The following KDM6B variants were observed in gnomAD, a reference collection of about 807,000 sequenced individuals.
KDM6B encodes lysine-specific demethylase 6B.
In KDM6B, 22 loss-of-function variants were observed where a neutral mutation model predicts 150.4. That is an observed-to-expected ratio of 0.15 (90% CI 0.10 to 0.21). KDM6B has a LOEUF of 0.21. Among genes scored for constraint, KDM6B ranks in the 10% least tolerant of loss-of-function variants. The pLI is 1.00. For missense variants in KDM6B, 1,984 were observed against 2,234.3 expected, an observed-to-expected ratio of 0.89 and a Z score of 2.26; for synonymous variants, 1,148 against 921.1, an observed-to-expected ratio of 1.25 and a Z score of -4.46.
Position 7,854,461 on chromosome 17 carries a change from G to C in KDM6B, c.*940G>C, listed in dbSNP as rs1423065907. The C allele has an allele frequency of 6.6e-6, 1 of 152,112 alleles. No homozygotes were observed. Among genetic ancestry groups the C allele is most frequent in the Non-Finnish European group, 1.5e-5 (1 of 67,964 alleles). The allele number at this position is 152,112 out of a possible 1,614,324, so 9.4% of individuals were successfully genotyped here. On this transcript the variant is annotated 3_prime_UTR_variant, in exon 24 of 24. Transcript: ENST00000448097. ...AAGGTTTTAAAGAAAGAACTATGAG[G>C]AAAAGGAACCCCGTCCTTCCCAGCC... is the stretch of plus-strand genomic sequence containing the variant.
rs370488812 is a variant in KDM6B, at chr17:7,847,432, G to A, written c.1237G>A (p.Val413Met). 2.9e-5 allele frequency: 46 copies of A among 1,613,680 alleles called. No homozygotes were observed. The highest frequency in any genetic ancestry group is 1.9e-4 in the South Asian group (17 of 91,082). ...SSSSNTGLRGVEPNPGIPGAD... is the reference protein window; with the variant it reads ...SSSSNTGLRGMEPNPGIPGAD... ...CAGCAGCAACACTGGTCTCCGGGGCGTGGAGCCGAACCCAGGCATTGTGAG... is the reference window on the plus strand; with the variant it reads ...CAGCAGCAACACTGGTCTCCGGGGCATGGAGCCGAACCCAGGCATTGTGAG... Residue 413 changes from valine to methionine, a missense_variant, in exon 11 of 24, where the codon GTG (valine) becomes ATG (methionine). Coordinates refer to ENST00000448097, the MANE Select transcript of KDM6B (RefSeq NM_001348716.2).
In KDM6B at chr17:7,854,625, GTTGTT is replaced by G. The variant is rs2078774728; in HGVS notation, c.*1107_*1111del. The G allele has an allele frequency of 6.5e-6, 1 of 153,918 alleles. No homozygotes were observed. Among genetic ancestry groups the G allele is most frequent in the Non-Finnish European group, 1.4e-5 (1 of 68,986 alleles). The allele number at this position is 153,918 out of a possible 1,614,324, so 9.5% of individuals were successfully genotyped here. A position where few individuals can be genotyped will look rare whatever the true frequency, so the allele number is the denominator to read the frequency against. On this transcript the variant is annotated 3_prime_UTR_variant, in exon 24 of 24. Coordinates refer to ENST00000448097, the MANE Select transcript of KDM6B (RefSeq NM_001348716.2). ...CTGGGGCTTTATTTTCGTTTTGTTGGTTGTTTTTTCTCCACGCTGGGGCTGCGGAG... is the reference window on the plus strand; with the variant it reads ...CTGGGGCTTTATTTTCGTTTTGTTGGTTTTCTCCACGCTGGGGCTGCGGAG...
intron 2 of KDM6B, among the ~76,000 whole-genome samples, chr17:7,841,833 G>A (rs2078419758): frequency 6.6e-6 from 1 of 152,168 alleles, no homozygotes; most frequent in Admixed American, 6.5e-5. Context: ...GGAATCCCGG[G>A]CGGGCGGCCT....
chr17:7,848,214 G>C lies in KDM6B; in HGVS notation c.1926G>C (p.Pro642=). Residue 642 remains proline, a synonymous_variant, in exon 12 of 24, where the codon CCG becomes CCC. Transcript: ENST00000448097. ...VSFPKTPEVG[P]GPPPGPLSKA... ...TCCCAAAGACCCCCGAGGTGGGGCC[G>C]GGGCCACCCCCAGGCCCCCTGAGTA... The C allele has an allele frequency of 3.7e-6, 6 of 1,608,234 alleles. No individual in the cohort carries two copies. The highest frequency in any genetic ancestry group is 5.1e-6 in the Non-Finnish European group (6 of 1,176,248).
In KDM6B at chr17:7,854,101, C is replaced by G. The variant is rs191438558; in HGVS notation, c.*580C>G. 6.6e-6 allele frequency: 1 copy of G among 152,426 alleles called. No homozygotes were observed. The highest frequency in any genetic ancestry group is 2.4e-5 in the African/African-American group (1 of 41,428). 9.4% of individuals were successfully genotyped at this position (152,426 alleles called of 1,614,324 possible). Reference sequence around the variant, plus strand: ...TAATTTATAACAGTCCCACTCACCTCTATTTATTCATTTTTGGGAAAACCC... The same window carrying G: ...TAATTTATAACAGTCCCACTCACCTGTATTTATTCATTTTTGGGAAAACCC... On this transcript the variant is annotated 3_prime_UTR_variant, in exon 24 of 24. Transcript: ENST00000448097.
intron 2 of KDM6B, chr17:7,840,802 A>G (rs1378654446): frequency 6.6e-6 from 1 of 152,202 alleles, no homozygotes; most frequent in African/African-American, 2.4e-5. Flanking sequence ...TTTGTGTTGA[A>G]TAATGTTAAC....
Position 7,847,564 on chromosome 17 carries a change from C to A in KDM6B, c.1276C>A (p.Gln426Lys). 6.2e-7 allele frequency: 1 copy of A among 1,613,364 alleles called. No individual in the cohort carries two copies. The highest frequency in any genetic ancestry group is 1.7e-5 in the Admixed American group (1 of 60,004). Reference protein sequence around the residue: ...NPGIPGADHYQTPALEVSHHG... With the variant: ...NPGIPGADHYKTPALEVSHHG... ...CTTGCAGCCCGGCGCTGACCATTAC[C>A]AAACTCCCGCGCTGGAGGTCTCTCA... Residue 426 changes from glutamine (Q) to lysine (K), a missense_variant, in exon 12 of 24, where the codon CAA (glutamine) becomes AAA (lysine). Transcript: ENST00000448097.
Position 7,845,438 on chromosome 17 carries a change from TG to T in KDM6B, c.-20del. The T allele has an allele frequency of 7.6e-7, 1 of 1,310,228 alleles. No individual in the cohort carries two copies. Among genetic ancestry groups the T allele is most frequent in the Non-Finnish European group, 1.1e-6 (1 of 905,560 alleles). 81.2% of individuals were successfully genotyped at this position (1,310,228 alleles called of 1,614,324 possible). A position where few individuals can be genotyped will look rare whatever the true frequency, so the allele number is the denominator to read the frequency against. On this transcript the variant is annotated 5_prime_UTR_variant, in exon 4 of 24. Coordinates refer to ENST00000448097, the MANE Select transcript of KDM6B (RefSeq NM_001348716.2). ...GGCCGTGCCCAATCTCCAGGGCTCC[TG>T]GGGCCACTGCTGACCTGGTAAGGGA...
rs1466027693 is a variant in KDM6B, at chr17:7,854,272, C to CA, written c.*754dup. Reference sequence around the variant, plus strand: ...GCTCCAGCCGGGTTCTCATGGTGCTCAAACCCGCTCCCCTCCCCTACGTCC... The same window carrying CA: ...GCTCCAGCCGGGTTCTCATGGTGCTCAAAACCCGCTCCCCTCCCCTACGTCC... On this transcript the variant is annotated 3_prime_UTR_variant, in exon 24 of 24. Coordinates refer to ENST00000448097, the MANE Select transcript of KDM6B (RefSeq NM_001348716.2). 1.3e-5 allele frequency: 2 copies of CA among 152,690 alleles called. No homozygotes were observed. The highest frequency in any genetic ancestry group is 2.4e-5 in the African/African-American group (1 of 41,396). The allele number at this position is 152,690 out of a possible 1,614,324, so 9.5% of individuals were successfully genotyped here. A position where few individuals can be genotyped will look rare whatever the true frequency, so the allele number is the denominator to read the frequency against.
At position 7,851,065 on chromosome 17, in the gene KDM6B, G is replaced by A. The variant is rs2078683626; in HGVS notation, c.3718G>A (p.Glu1240Lys). 5.0e-6 allele frequency: 8 copies of A among 1,612,960 alleles called. No individual in the cohort carries two copies. The highest frequency in any genetic ancestry group is 6.8e-6 in the Non-Finnish European group (8 of 1,179,874). Residue 1240 changes from glutamate to lysine, a missense_variant, in exon 15 of 24, where the codon GAA (glutamate) becomes AAA (lysine). Physicochemically the swap from Glu to Lys is moderately conservative, Grantham distance 56 (BLOSUM62 1). Transcript: ENST00000448097. ...CAAGACCCTGGTGGAAGCGAGTGGC[G>A]AACACACCGTGGAAGTTCGCACCCA... is the stretch of plus-strand genomic sequence containing the variant. Reference protein sequence around the residue: ...STKTLVEASGEHTVEVRTQVQ... With the variant: ...STKTLVEASGKHTVEVRTQVQ...
chr17:7,845,362 CT>C lies in KDM6B; in HGVS notation c.-98del. 1 of 712,944 alleles carries C rather than the reference CT, an allele frequency of 1.4e-6. No individual in the cohort carries two copies. The highest frequency in any genetic ancestry group is 2.7e-5 in the East Asian group (1 of 37,348). 44.2% of individuals were successfully genotyped at this position (712,944 alleles called of 1,614,324 possible). ...CAGCCATCTGGGGGTAGCGGGCACT[CT>C]TATCAGAGCGGCTGGAGCCGGACCA... On this transcript the variant is annotated 5_prime_UTR_variant, in exon 4 of 24. Coordinates refer to ENST00000448097, the MANE Select transcript of KDM6B (RefSeq NM_001348716.2).
chr17:7,846,370 T>TGGCGGG, intron 7 of KDM6B, 30 bp from the exon 8 acceptor site: 2 of 1,501,962 alleles, frequency 1.3e-6, no homozygotes, highest in Non-Finnish European at 1.8e-6. Flanking sequence ...ACCTGACATC[T>TGGCGGG]GCCCCTGCCC....
chr17:7,846,381 C>A lies in KDM6B; in HGVS notation c.457-19C>A. ...CCCCACCTGACATCTGCCCCTGCCCCGTGTCCCCCCACCCCCAGGCCCAGC... is the reference window on the plus strand; with the variant it reads ...CCCCACCTGACATCTGCCCCTGCCCAGTGTCCCCCCACCCCCAGGCCCAGC... On this transcript the variant is annotated intron_variant, in intron 7 of 23. Transcript: ENST00000448097. The A allele has an allele frequency of 6.5e-7, 1 of 1,529,374 alleles. No homozygotes were observed. Among genetic ancestry groups the A allele is most frequent in the Non-Finnish European group, 8.9e-7 (1 of 1,123,082 alleles). 94.7% of individuals were successfully genotyped at this position (1,529,374 alleles called of 1,614,324 possible). A position where few individuals can be genotyped will look rare whatever the true frequency, so the allele number is the denominator to read the frequency against.
In KDM6B at chr17:7,853,260, C is replaced by T. The variant is rs775808401; in HGVS notation, c.4788C>T (p.Asn1596=). ...TGACAAGTGAGAATGGCAGCCGCAACACGTACCTGGTACACTGCGAGGGCT... is the reference window on the plus strand; with the variant it reads ...TGACAAGTGAGAATGGCAGCCGCAATACGTACCTGGTACACTGCGAGGGCT... ...LFVTSENGSR[N]TYLVHCEGCA... Residue 1596 remains asparagine (N), a synonymous_variant, in exon 23 of 24, where the codon AAC becomes AAT. Transcript: ENST00000448097. 1 of 1,610,760 alleles carries T rather than the reference C, an allele frequency of 6.2e-7. No homozygotes were observed. Among genetic ancestry groups the T allele is most frequent in the Non-Finnish European group, 8.5e-7 (1 of 1,178,884 alleles).
rs1004069282 is a variant in KDM6B at position 7,844,713 on chromosome 17, A to G, written c.-268-188A>G. Among the ~76,000 whole-genome samples the G allele has an allele frequency of 1.3e-5, 2 of 152,016 alleles. No homozygotes were observed. Among genetic ancestry groups the G allele is most frequent in the Non-Finnish European group, 2.9e-5 (2 of 67,994 alleles). The stretch of plus-strand genomic sequence containing the variant: ...CATGCGACTAACCGGCCTCATCCGC[A>G]TGCGTCTTGTCCTGGCTGCCTTCTG... On this transcript the variant is annotated intron_variant, in intron 2 of 23. Transcript: ENST00000448097. The surrounding 1 kb of genome is among the most constrained non-coding windows in gnomAD (Gnocchi z 5.9).
Position 7,849,187 on chromosome 17 carries a change from G to A in KDM6B, c.2899G>A (p.Ala967Thr). Residue 967 changes from alanine to threonine, a missense_variant, in exon 12 of 24, where the codon GCA (alanine) becomes ACA (threonine). Physicochemically the swap from Ala to Thr is moderately conservative, Grantham distance 58. Around this residue, in one of 13 missense-constraint regions of KDM6B, gnomAD observed 1,379 missense variants for 1,275.6 expected, o/e 1.08. Coordinates refer to ENST00000448097, the MANE Select transcript of KDM6B (RefSeq NM_001348716.2). ...CAAGGAGGAGGCTGGCGGGGTGGCG[G>A]CAGTGTCAGGCAGCTGTAAGCGGCG... ...QAKEEAGGVA[A>T]VSGSCKRRQK... 6.2e-7 allele frequency: 1 copy of A among 1,606,116 alleles called. No individual in the cohort carries two copies. Among genetic ancestry groups the A allele is most frequent in the Non-Finnish European group, 8.5e-7 (1 of 1,176,662 alleles).
rs920634331 is a variant in KDM6B at position 7,853,749 on chromosome 17, C to T, written c.*228C>T. On this transcript the variant is annotated 3_prime_UTR_variant, in exon 24 of 24. Transcript: ENST00000448097. ...AATGGGAGACGGGGGAGGGGGCTGGCAGCCCCTCGCCCACCAGCGCCTCCC... is the reference window on the plus strand; with the variant it reads ...AATGGGAGACGGGGGAGGGGGCTGGTAGCCCCTCGCCCACCAGCGCCTCCC... 3.1e-6 allele frequency: 1 copy of T among 317,470 alleles called. No individual in the cohort carries two copies. The highest frequency in any genetic ancestry group is 5.3e-5 in the East Asian group (1 of 18,852). 19.7% of individuals were successfully genotyped at this position (317,470 alleles called of 1,614,324 possible).
chr17:7,846,371 G>GGGGGGGGGGGGGGGGGGCCCCCCC, intron 7 of KDM6B, 29 bp from the exon 8 acceptor site: 1 of 1,488,920 alleles, frequency 6.7e-7, no homozygotes, highest in Non-Finnish European at 9.2e-7. Context: ...CCTGACATCT[G>GGGGGGGGGGGGGGGGGGCCCCCCC]CCCCTGCCCC....
rs1384415537 is a variant in KDM6B, at chr17:7,849,869, C to G, written c.3489C>G (p.Ala1163=). The change falls in exon 13 of 24, where the codon GCC becomes GCG. Residue 1163 remains alanine (A), a synonymous_variant. Transcript: ENST00000448097. ...TTCGAGAGTCCTACCTTTCCCCTGC[C>G]CAGTCTGTGAAACCGAAGATCAACA... The part of the protein sequence containing the change: ...GKFRESYLSP[A]QSVKPKINTE... 3.1e-6 allele frequency: 5 copies of G among 1,612,364 alleles called. No homozygotes were observed. In the African/African-American group the frequency reaches 6.7e-5, roughly 22 times the overall value.
Sources: gnomAD v4.1 joint callset for allele counts (sites outside exome capture counted in the v4.1 genomes callset) on GRCh38, gnomAD v4.1.1 for gene constraint, gnomAD v4.1.1 regional missense constraint, Gnocchi (gnomAD v3.1) non-coding constraint, MANE v1.5 for transcripts, NCBI Gene and HGNC (gene_info 2026-07-23, HGNC 2026-07-21) for gene names.